PITPNB: variants seen among roughly 807,000 people sequenced by gnomAD.
The protein encoded by PITPNB is phosphatidylinositol transfer protein beta isoform.
A neutral mutation model predicts 45.9 loss-of-function variants in PITPNB; 16 were observed. The ratio of observed to expected loss-of-function variants is 0.35; its 90% confidence interval spans 0.24 to 0.53. The LOEUF (loss-of-function observed/expected upper bound fraction) is 0.53. Ranked by LOEUF, PITPNB falls within the 20% of genes least tolerant of loss-of-function variation. PITPNB has a pLI of 0.93. For missense variants in PITPNB, 188 were observed against 330.5 expected (o/e 0.57, Z 3.34); for synonymous variants, 112 against 108.9 (o/e 1.03, Z -0.18).
At chr22:27,897,607 G>T (rs1935472275) in intron 4 of PITPNB, among the ~76,000 whole-genome samples, 194 bp downstream of exon 4, 1 of 152,168 alleles carries the variant, frequency 6.6e-6, no homozygotes, top group South Asian at 2.1e-4. Context: ...ATGTGGGAAT[G>T]AACTTATGCC....
At chr22:27,862,331 A>C (rs1334327984) in intron 8 of PITPNB, among the ~76,000 whole-genome samples, 1 of 152,296 alleles carries the variant, frequency 6.6e-6, no homozygotes, top group Admixed American at 6.5e-5. Flanking sequence ...GTTTTAAGTT[A>C]ATTCTAGGGA....
intron 1 of PITPNB, among the ~76,000 whole-genome samples, chr22:27,917,216 A>T (rs1472183224): frequency 1.3e-5 from 2 of 152,256 alleles, no homozygotes. Context: ...TGCAAAAAGC[A>T]CAGTGCGCAA....
chr22:27,875,825 G>T lies in PITPNB; in HGVS notation c.457-2010C>A, dbSNP rs562814399. Among the ~76,000 whole-genome samples, 3 of 152,198 alleles carry T rather than the reference G, an allele frequency of 2.0e-5. No homozygotes were observed. The East Asian group carries it at 5.8e-4, about 29-fold the overall frequency. ...AACTAACACAGTTCTGGCTCCTAAA[G>T]AATCAGTCTAGTTGGGATAAAGAAA... On this transcript the variant is annotated intron_variant, in intron 7 of 11. Transcript: ENST00000335272.
chr22:27,896,401 T>TTCTGGCTGCTTG, intron 6 of PITPNB, 151 bp downstream of exon 6: 2 of 659,052 alleles, frequency 3.0e-6, no homozygotes, highest in South Asian at 3.3e-5. Context: ...CCTATTTGGT[T>TTCTGGCTGCTTG]TCTGGCTGCT....
intron 8 of PITPNB, among the ~76,000 whole-genome samples, chr22:27,862,884 C>T (rs1360629388): frequency 5.9e-5 from 9 of 152,196 alleles, no homozygotes; most frequent in African/African-American, 1.9e-4. Flanking sequence ...CAAATATTTA[C>T]ATACTACTCC....
intron 7 of PITPNB, among the ~76,000 whole-genome samples, chr22:27,885,081 G>A (rs1031782195): frequency 4.0e-5 from 6 of 148,576 alleles, no homozygotes; most frequent in African/African-American, 7.4e-5. Context: ...GATGTTAATC[G>A]TGTGTATACT....
chr22:27,905,690 T>C (rs1471738227), intron 3 of PITPNB, among the ~76,000 whole-genome samples: 5 of 152,200 alleles, frequency 3.3e-5, no homozygotes, highest in African/African-American at 1.2e-4. Context: ...GTTCTGGAGT[T>C]GGCAAAGCTT....
intron 8 of PITPNB, among the ~76,000 whole-genome samples, chr22:27,867,270 C>A (rs1934511155): frequency 6.6e-6 from 1 of 151,732 alleles, no homozygotes; most frequent in Non-Finnish European, 1.5e-5. Context: ...GGAAGGAAGA[C>A]AGGGGGAATA....
chr22:27,855,354 A>C (rs1934141349), intron 10 of PITPNB, among the ~76,000 whole-genome samples: 1 of 152,156 alleles, frequency 6.6e-6, no homozygotes, highest in Admixed American at 6.5e-5. Flanking sequence ...CTCTCAGTGG[A>C]GTCCTTTAAA....
At chr22:27,908,208 A>T (rs1935819129) in intron 3 of PITPNB, among the ~76,000 whole-genome samples, 1 of 150,148 alleles carries the variant, frequency 6.7e-6, no homozygotes, top group Admixed American at 6.6e-5. Context: ...TAAAAATGAA[A>T]ATACAGAAGA....
chr22:27,899,252 C>T (rs1015886454), intron 3 of PITPNB, among the ~76,000 whole-genome samples: 1 of 152,174 alleles, frequency 6.6e-6, no homozygotes, highest in African/African-American at 2.4e-5. Flanking sequence ...TTTTCATATG[C>T]CTTTCTTCAT....
chr22:27,910,970 A>G lies in PITPNB; in HGVS notation c.191T>C (p.Leu64Pro), dbSNP rs1935903696. Residue 64 changes from leucine (L) to proline (P), a missense_variant, in exon 3 of 12, where the codon CTA becomes CCA. Leu to Pro is a moderately conservative substitution (Grantham distance 98). Coordinates refer to ENST00000335272, the MANE Select transcript of PITPNB (RefSeq NM_012399.5). ...KGQYTHKIYH[L>P]KSKVPAFVRM... Reference sequence around the variant, plus strand: ...AAATGTGAACACCGCTTACCTCTTTAGGTGATAAATTTTGTGCGTATACTG... The same window carrying G: ...AAATGTGAACACCGCTTACCTCTTTGGGTGATAAATTTTGTGCGTATACTG... The G allele has an allele frequency of 6.2e-7, 1 of 1,612,928 alleles. No homozygotes were observed.
At chr22:27,918,063 A>G (rs1936136103) in intron 1 of PITPNB, among the ~76,000 whole-genome samples, 1 of 152,220 alleles carries the variant, frequency 6.6e-6, no homozygotes, top group African/African-American at 2.4e-5. Flanking sequence ...GAAGCTTGCG[A>G]AGATGGAATG....
In PITPNB at chr22:27,860,045, AAAGT is replaced by A. The variant is rs1934280587; in HGVS notation, c.645+82_645+85del. ...ATTTTCATATCATAAAGGAGGAAAA[AAAGT>A]AATAACAGAGAAGATATCCCATTAA... On this transcript the variant is annotated intron_variant, in intron 9 of 11. Transcript: ENST00000335272. 5.3e-6 allele frequency: 4 copies of A among 751,108 alleles called. No individual in the cohort carries two copies. In the Admixed American group the frequency reaches 6.5e-5, roughly 12 times the overall value. 46.5% of individuals were successfully genotyped at this position (751,108 alleles called of 1,614,324 possible). A position where few individuals can be genotyped will look rare whatever the true frequency, so the allele number is the denominator to read the frequency against.
chr22:27,889,298 G>A (rs1188581783), intron 7 of PITPNB, among the ~76,000 whole-genome samples: 3 of 152,064 alleles, frequency 2.0e-5, no homozygotes, highest in Admixed American at 1.3e-4. Flanking sequence ...TGGTACACCT[G>A]TACCTTCATT....
Position 27,898,702 on chromosome 22 carries a change from T to C in PITPNB, c.198-810A>G, listed in dbSNP as rs142160484. ...AATGAGAAATTAAAGCATATCCAAG[T>C]ATAAAATTTTGTAGGTATGGGAGAT... On this transcript the variant is annotated intron_variant, in intron 3 of 11. Coordinates refer to ENST00000335272, the MANE Select transcript of PITPNB (RefSeq NM_012399.5). 3.3e-5 allele frequency among the ~76,000 whole-genome samples: 5 copies of C among 152,258 alleles called. No homozygotes were observed. The East Asian group carries it at 5.8e-4, about 18-fold the overall frequency.
At chr22:27,872,355 A>G (rs1307181744) in intron 8 of PITPNB, among the ~76,000 whole-genome samples, 1 of 151,756 alleles carries the variant, frequency 6.6e-6, no homozygotes, top group East Asian at 1.9e-4. Context: ...CAGCCTCCCA[A>G]AGTACTGGGA....
At chr22:27,901,539 G>A (rs1257960514) in intron 3 of PITPNB, among the ~76,000 whole-genome samples, 1 of 152,132 alleles carries the variant, frequency 6.6e-6, no homozygotes, top group African/African-American at 2.4e-5. Flanking sequence ...AATACACTGT[G>A]ATGCCTTCTC....
At chr22:27,881,067 T>G (rs1368464858) in intron 7 of PITPNB, among the ~76,000 whole-genome samples, 1 of 152,254 alleles carries the variant, frequency 6.6e-6, no homozygotes, top group South Asian at 2.1e-4. Flanking sequence ...TGAAAGTGTG[T>G]GACCATGTAA....
Sources: allele counts gnomAD v4.1 joint callset (sites outside exome capture counted in the v4.1 genomes callset), GRCh38; gene constraint gnomAD v4.1.1; transcripts MANE v1.5; gene names NCBI Gene and HGNC (gene_info 2026-07-23, HGNC 2026-07-21).